KCNH7: variants seen among roughly 807,000 people sequenced by gnomAD.
KCNH7 encodes the protein potassium voltage-gated channel subfamily H member 7, also known as voltage-gated inwardly rectifying potassium channel KCNH7.
In KCNH7, 49 loss-of-function variants were observed where a neutral mutation model predicts 120.8. The observed-to-expected ratio is 0.41, with a 90% CI of 0.32 to 0.51. The LOEUF is 0.51. Among genes scored for constraint, KCNH7 ranks in the 20% least tolerant of loss-of-function variants. The probability of loss-of-function intolerance (pLI) is 0.38; values close to 1 mark genes in which losing one functional copy is unlikely to be tolerated. For synonymous variants in KCNH7, 547 were observed against 516.1 expected (o/e 1.06, Z -0.81); for missense variants, 1,097 against 1,446.6 (o/e 0.76, Z 3.92).
At chr2:162,484,391 T>C (rs764484470) in intron 6 of KCNH7, among the ~76,000 whole-genome samples, 1 of 152,176 alleles carries the variant, frequency 6.6e-6, no homozygotes, top group Non-Finnish European at 1.5e-5. Flanking sequence ...GCATCCTGTA[T>C]GCTAAGGAGC....
At chr2:162,437,380 G>A (rs900471104) in intron 7 of KCNH7, among the ~76,000 whole-genome samples, 1 of 152,032 alleles carries the variant, frequency 6.6e-6, no homozygotes, top group Admixed American at 6.6e-5. Context: ...GAATGAAGGT[G>A]CTTGCTTTTT....
chr2:162,460,346 T>C (rs996004455), intron 6 of KCNH7, among the ~76,000 whole-genome samples: 2 of 152,140 alleles, frequency 1.3e-5, no homozygotes, highest in Non-Finnish European at 2.9e-5. Context: ...TGGTGCCCTA[T>C]GTCAGCTTAC....
At chr2:162,823,133 T>G (rs182893603) in intron 2 of KCNH7, among the ~76,000 whole-genome samples, 323 of 152,308 alleles carry the variant, frequency 2.1e-3, no homozygotes, top group Middle Eastern at 3.4e-3. Context: ...AGATGGTAGC[T>G]GCTATGTACT....
intron 2 of KCNH7, among the ~76,000 whole-genome samples, chr2:162,634,573 A>G (rs753238779): frequency 6.6e-5 from 10 of 152,076 alleles, no homozygotes; most frequent in Non-Finnish European, 1.3e-4. Flanking sequence ...TCCTCCTGCC[A>G]ACCTATCAGG....
chr2:162,802,854 C>A (rs189705152), intron 2 of KCNH7, among the ~76,000 whole-genome samples: 3 of 151,784 alleles, frequency 2.0e-5, no homozygotes, highest in East Asian at 3.9e-4. Flanking sequence ...ATTTTTAACA[C>A]AAACATATTT....
At chr2:162,611,024 A>G (rs897265581) in intron 2 of KCNH7, among the ~76,000 whole-genome samples, 1 of 152,220 alleles carries the variant, frequency 6.6e-6, no homozygotes, top group Non-Finnish European at 1.5e-5. Context: ...CACCAATTAA[A>G]GGTACAGCAT....
At chr2:162,622,205 T>G (rs1191625037) in intron 2 of KCNH7, among the ~76,000 whole-genome samples, 2 of 152,168 alleles carry the variant, frequency 1.3e-5, no homozygotes, top group African/African-American at 4.8e-5. Flanking sequence ...GCCTTGCTGA[T>G]GAAAATGATC....
intron 2 of KCNH7, among the ~76,000 whole-genome samples, chr2:162,753,031 A>AAGAAAAGAAAAGAAAAGAAC (rs1559116574): frequency 2.3e-5 from 3 of 127,766 alleles, no homozygotes; most frequent in African/African-American, 1.0e-4. Flanking sequence ...AAGAAAAGAA[A>AAGAAAAGAAAAGAAAAGAAC]CCCTGACTAA....
intron 9 of KCNH7, among the ~76,000 whole-genome samples, chr2:162,401,537 T>A (rs1187493358): frequency 1.3e-5 from 2 of 151,940 alleles, no homozygotes; most frequent in Admixed American, 1.3e-4. Context: ...TTCAATGTAT[T>A]TGGCTCACAG....
intron 8 of KCNH7, among the ~76,000 whole-genome samples, chr2:162,433,339 G>A (rs1334387047): frequency 6.6e-6 from 1 of 152,054 alleles, no homozygotes; most frequent in Non-Finnish European, 1.5e-5. Flanking sequence ...TGAACAAAAA[G>A]AGCAAAGCTG....
At chr2:162,821,503 T>C (rs1331187755) in intron 2 of KCNH7, among the ~76,000 whole-genome samples, 1 of 152,234 alleles carries the variant, frequency 6.6e-6, no homozygotes, top group Non-Finnish European at 1.5e-5. Flanking sequence ...ACTCACTGGT[T>C]TGGAAAGCCT....
At chr2:162,430,039 C>CT (rs369221694) in intron 8 of KCNH7, among the ~76,000 whole-genome samples, 13 of 150,750 alleles carry the variant, frequency 8.6e-5, no homozygotes, top group South Asian at 2.1e-4. Flanking sequence ...ATGCTTGTAA[C>CT]TTTTTTTTTG....
At chr2:162,746,600 A>G (rs1688324420) in intron 2 of KCNH7, among the ~76,000 whole-genome samples, 1 of 152,154 alleles carries the variant, frequency 6.6e-6, no homozygotes, top group Non-Finnish European at 1.5e-5. Flanking sequence ...CAAAATTCAA[A>G]TTTCATGAAA....
intron 2 of KCNH7, among the ~76,000 whole-genome samples, chr2:162,553,649 A>AAAAAG (rs751404895): frequency 5.1e-4 from 78 of 152,282 alleles, no homozygotes; most frequent in East Asian, 1.4e-3. Context: ...ACTGTCTCAA[A>AAAAAG]AAAAGAAAAG....
intron 6 of KCNH7, among the ~76,000 whole-genome samples, chr2:162,471,424 G>C (rs560705812): frequency 6.6e-6 from 1 of 152,268 alleles, no homozygotes; most frequent in African/African-American, 2.4e-5. Flanking sequence ...GTGCTTGTGT[G>C]TGTGTATACA....
At chr2:162,419,606 G>A (rs933815586) in intron 9 of KCNH7, among the ~76,000 whole-genome samples, 1 of 152,100 alleles carries the variant, frequency 6.6e-6, no homozygotes, top group Non-Finnish European at 1.5e-5. Context: ...TGGTGGGGGA[G>A]GAGGTGCTAT....
intron 9 of KCNH7, among the ~76,000 whole-genome samples, chr2:162,415,964 T>C (rs1215909832): frequency 6.6e-6 from 1 of 152,182 alleles, no homozygotes; most frequent in Non-Finnish European, 1.5e-5. Flanking sequence ...AAGTCCGGCT[T>C]GTAAAATTTT....
intron 2 of KCNH7, among the ~76,000 whole-genome samples, chr2:162,609,197 T>G (rs1460741668): frequency 6.6e-6 from 1 of 152,140 alleles, no homozygotes; most frequent in African/African-American, 2.4e-5. Flanking sequence ...ACGTTCCCCA[T>G]GTGTCCCTTT....
At chr2:162,721,206 T>C (rs146892145) in intron 2 of KCNH7, among the ~76,000 whole-genome samples, 50 of 152,272 alleles carry the variant, frequency 3.3e-4, no homozygotes, top group African/African-American at 1.1e-3. Flanking sequence ...TTTGTAAGTA[T>C]ATAGAAGTTA....
Sources: allele counts gnomAD v4.1 joint callset (sites outside exome capture counted in the v4.1 genomes callset), GRCh38; gene constraint gnomAD v4.1.1; transcripts MANE v1.5; gene names NCBI Gene and HGNC (gene_info 2026-07-23, HGNC 2026-07-21).